Variants in ACVR1 observed in about 807,000 individuals in gnomAD.
ACVR1 encodes activin A receptor type 1, also known as activin receptor type-1.
A neutral mutation model predicts 57.1 loss-of-function variants in ACVR1; 38 were observed. The ratio of observed to expected loss-of-function variants is 0.67; its 90% CI spans 0.51 to 0.87. The LOEUF is 0.87. Among genes scored for constraint, ACVR1 ranks in the 40% least tolerant of loss-of-function variants. The pLI, the probability that ACVR1 is intolerant of heterozygous loss-of-function variation, is 0.00. For missense variants in ACVR1, 463 were observed against 638.2 expected, an observed-to-expected ratio of 0.73 and a Z score of 2.96; for synonymous variants, 212 against 228.1, an observed-to-expected ratio of 0.93 and a Z score of 0.63.
intron 2 of ACVR1, among the ~76,000 whole-genome samples, chr2:157,805,488 TCA>T (rs1156705057): frequency 4.6e-5 from 7 of 152,202 alleles, no homozygotes; most frequent in African/African-American, 1.2e-4. Flanking sequence ...TATGATTCCA[TCA>T]CAGTTTTTTT....
intron 5 of ACVR1, among the ~76,000 whole-genome samples, chr2:157,776,901 C>T (rs1047573585): frequency 1.3e-5 from 2 of 152,186 alleles, no homozygotes; most frequent in Non-Finnish European, 2.9e-5. Context: ...TTAAGTAAAA[C>T]TGAATCACAT....
rs141952060 is a variant in ACVR1, at chr2:157,740,512, C to T, written c.1265-1942G>A. Among the ~76,000 whole-genome samples the T allele has an allele frequency of 1.5e-4, 23 of 152,306 alleles. No homozygotes were observed. The East Asian group carries it at 4.2e-3, about 28-fold the overall frequency. On this transcript the variant is annotated intron_variant, in intron 9 of 10. Transcript: ENST00000434821. ...AGAATTTACAGAAAACAGTAAGACACGTGCCCTTCACCATCTCTCAATTTT... is the reference window on the plus strand; with the variant it reads ...AGAATTTACAGAAAACAGTAAGACATGTGCCCTTCACCATCTCTCAATTTT...
At chr2:157,788,216 C>T (rs11896067) in intron 3 of ACVR1, among the ~76,000 whole-genome samples, 1,584 of 152,234 alleles carry the variant, frequency 0.01, 11 homozygotes, top group Middle Eastern at 0.034. Flanking sequence ...TACAGTAGTC[C>T]CCACTTATCC....
rs1490820984 is a variant in ACVR1, at chr2:157,875,863, G to C, written c.-250C>G. 3 of 148,622 alleles carry C rather than the reference G, an allele frequency of 2.0e-5. No homozygotes were observed. Among genetic ancestry groups the C allele is most frequent in the Admixed American group, 1.3e-4 (2 of 14,838 alleles). 9.2% of individuals were successfully genotyped at this position (148,622 alleles called of 1,614,324 possible). Reference sequence around the variant, plus strand: ...AGTGCGAGGCAGCCGGGCGCTGCAGGTCGGCGCGGCGCGGGGCGGCGCGGG... The same window carrying C: ...AGTGCGAGGCAGCCGGGCGCTGCAGCTCGGCGCGGCGCGGGGCGGCGCGGG... On this transcript the variant is annotated 5_prime_UTR_variant, in exon 1 of 11. Coordinates refer to ENST00000434821, the MANE Select transcript of ACVR1 (RefSeq NM_001111067.4).
intron 9 of ACVR1, among the ~76,000 whole-genome samples, chr2:157,744,400 A>C (rs1056517424): frequency 6.6e-6 from 1 of 152,210 alleles, no homozygotes; most frequent in Non-Finnish European, 1.5e-5. Flanking sequence ...AGAAAATTTG[A>C]TGTGGTTCAT....
chr2:157,780,398 G>A lies in ACVR1; in HGVS notation c.270C>T (p.Ala90=), dbSNP rs2227861. 0.75 allele frequency: 1,210,844 copies of A among 1,613,950 alleles called. 465,080 individuals carry two copies. The highest frequency in any genetic ancestry group is 0.92 in the East Asian group (41,206 of 44,876). Residue 90 remains alanine (A), a synonymous_variant, in exon 4 of 11, where the codon GCC becomes GCT. Coordinates refer to ENST00000434821, the MANE Select transcript of ACVR1 (RefSeq NM_001111067.4). ...TCKTPPSPGQ[A]VECCQGDWCN... is the part of the protein sequence containing the mutation. ...ACCAGTCCCCTTGGCAGCACTCCAC[G>A]GCTTGGCCAGGGGACGGCGGGGTCT... is the stretch of plus-strand genomic sequence containing the variant.
At position 157,755,559 on chromosome 2, in the gene ACVR1, A is replaced by ATACCATACCG. The variant is rs1365789170; in HGVS notation, c.1264+5311_1264+5320dup. Among the ~76,000 whole-genome samples, 21 of 128,228 alleles carry ATACCATACCG rather than the reference A, an allele frequency of 1.6e-4. 1 individual carries two copies. The highest frequency in any genetic ancestry group is 6.4e-4 in the African/African-American group (21 of 32,766). 84.1% of individuals were successfully genotyped at this position (128,228 alleles called of 152,430 possible). A position where few individuals can be genotyped will look rare whatever the true frequency, so the allele number is the denominator to read the frequency against. On this transcript the variant is annotated intron_variant, in intron 9 of 10. Transcript: ENST00000434821. Reference sequence around the variant, plus strand: ...ATACCATACCATACCATACCATACCATACCATACCGTACCATACAATACAA... The same window carrying ATACCATACCG: ...ATACCATACCATACCATACCATACCATACCATACCGTACCATACCGTACCATACAATACAA...
intron 9 of ACVR1, among the ~76,000 whole-genome samples, chr2:157,742,629 G>A (rs1426807659): frequency 6.6e-6 from 1 of 151,996 alleles, no homozygotes; most frequent in African/African-American, 2.4e-5. Context: ...TTTGCTATAT[G>A]GCTCTGAGTA....
At chr2:157,820,519 T>C (rs1221743051) in intron 1 of ACVR1, among the ~76,000 whole-genome samples, 1 of 151,998 alleles carries the variant, frequency 6.6e-6, no homozygotes, top group Non-Finnish European at 1.5e-5. Context: ...AGCCAGAAAA[T>C]AAACACTGGT....
At chr2:157,747,232 C>T (rs967488479) in intron 9 of ACVR1, among the ~76,000 whole-genome samples, 8 of 151,968 alleles carry the variant, frequency 5.3e-5, no homozygotes, top group Non-Finnish European at 1.2e-4. Context: ...CACATCACAC[C>T]CTAGGGTATG....
At chr2:157,844,848 A>G (rs551408939) in intron 1 of ACVR1, among the ~76,000 whole-genome samples, 1 of 152,266 alleles carries the variant, frequency 6.6e-6, no homozygotes, top group East Asian at 1.9e-4. Context: ...CTCTTATAAA[A>G]AAAGAGCTCC....
At chr2:157,768,921 T>G (rs987071252) in intron 7 of ACVR1, among the ~76,000 whole-genome samples, 1 of 152,240 alleles carries the variant, frequency 6.6e-6, no homozygotes, top group African/African-American at 2.4e-5. Context: ...ATGTTTATTG[T>G]TACTACTGTT....
At chr2:157,753,431 G>A (rs1278093769) in intron 9 of ACVR1, among the ~76,000 whole-genome samples, 1 of 152,152 alleles carries the variant, frequency 6.6e-6, no homozygotes, top group African/African-American at 2.4e-5. Context: ...AGGAGGCTGA[G>A]GCAGGAGAAT....
At chr2:157,819,476 A>G (rs1370651270) in intron 1 of ACVR1, 2 of 139,328 alleles carry the variant, frequency 1.4e-5, no homozygotes, top group African/African-American at 5.4e-5. Context: ...AGCCTGGACA[A>G]CAAGAGCGAA....
At chr2:157,837,868 G>T (rs13398650) in intron 1 of ACVR1, among the ~76,000 whole-genome samples, 8 of 152,114 alleles carry the variant, frequency 5.3e-5, no homozygotes, top group East Asian at 1.9e-4. Flanking sequence ...GTCATTGAAC[G>T]TGGACTCTTG....
chr2:157,751,017 C>T (rs1039365604), intron 9 of ACVR1, among the ~76,000 whole-genome samples: 1 of 152,078 alleles, frequency 6.6e-6, no homozygotes, highest in Non-Finnish European at 1.5e-5. Flanking sequence ...AACCTTTGCT[C>T]CAATAACTAC....
chr2:157,787,625 A>C (rs773722663), intron 3 of ACVR1, among the ~76,000 whole-genome samples: 1 of 152,170 alleles, frequency 6.6e-6, no homozygotes, highest in Non-Finnish European at 1.5e-5. Flanking sequence ...CCATCGATTG[A>C]ATGTCTCAGG....
intron 1 of ACVR1, among the ~76,000 whole-genome samples, chr2:157,844,647 C>G (rs528885547): frequency 6.6e-6 from 1 of 152,136 alleles, no homozygotes; most frequent in African/African-American, 2.4e-5. Flanking sequence ...TTCTGAAGCA[C>G]CACAGAGCTA....
chr2:157,774,313 T>A lies in ACVR1; in HGVS notation c.544-126A>T. ...ATCCGGGACACGTGGCCTGTTAGTGTACATGTAAAGCTCCTCTGGAAGAAG... is the reference window on the plus strand; with the variant it reads ...ATCCGGGACACGTGGCCTGTTAGTGAACATGTAAAGCTCCTCTGGAAGAAG... On this transcript the variant is annotated intron_variant, in intron 5 of 10. Coordinates refer to ENST00000434821, the MANE Select transcript of ACVR1 (RefSeq NM_001111067.4). 9.3e-6 allele frequency: 7 copies of A among 752,838 alleles called. No homozygotes were observed. The South Asian group carries it at 1.0e-4, about 11-fold the overall frequency. The allele number at this position is 752,838 out of a possible 1,614,324, so 46.6% of individuals were successfully genotyped here.
Sources: gnomAD v4.1 joint callset for allele counts (sites outside exome capture counted in the v4.1 genomes callset) on GRCh38, gnomAD v4.1.1 for gene constraint, MANE v1.5 for transcripts, NCBI Gene and HGNC (gene_info 2026-07-23, HGNC 2026-07-21) for gene names.